ARHGAP20: variants seen among roughly 807,000 people sequenced by gnomAD.
The protein encoded by ARHGAP20 is Rho GTPase activating protein 20, also known as rho GTPase-activating protein 20.
A neutral mutation model predicts 73.7 loss-of-function variants in ARHGAP20; 34 were observed. That is an observed-to-expected ratio of 0.46 (90% CI 0.35 to 0.61). The LOEUF is 0.61. Among genes scored for constraint, ARHGAP20 ranks in the 20% least tolerant of loss-of-function variants. ARHGAP20 has a pLI of 0.00. For missense variants in ARHGAP20, 1,314 were observed against 1,420.9 expected (o/e 0.92, Z 1.21); for synonymous variants, 523 against 518.2 (o/e 1.01, Z -0.13).
At chr11:110,711,223 T>C (rs1211332829) in intron 1 of ARHGAP20, among the ~76,000 whole-genome samples, 2 of 151,934 alleles carry the variant, frequency 1.3e-5, no homozygotes, top group East Asian at 3.9e-4. Flanking sequence ...AGCGGCCGTG[T>C]TTATCGGAAT....
chr11:110,587,775 G>C (rs1193598270), intron 11 of ARHGAP20, among the ~76,000 whole-genome samples: 1 of 150,064 alleles, frequency 6.7e-6, no homozygotes, highest in Non-Finnish European at 1.5e-5. Context: ...TTTTTTTTTA[G>C]AATGTTTAAC....
In ARHGAP20 at chr11:110,653,826, C is replaced by T. The variant is rs550105532; in HGVS notation, c.189-23034G>A. Among the ~76,000 whole-genome samples, 7 of 152,198 alleles carry T rather than the reference C, an allele frequency of 4.6e-5. No homozygotes were observed. The South Asian group carries it at 1.5e-3, about 32-fold the overall frequency. On this transcript the variant is annotated intron_variant, in intron 2 of 14. Coordinates refer to ENST00000683387, the MANE Select transcript of ARHGAP20 (RefSeq NM_001384657.1). ...ACATGGAATCAACTCAAATGCCTAT[C>T]CATGATAGACTGGGTAAAGAAAATG...
chr11:110,674,623 T>C (rs1949895723), intron 2 of ARHGAP20, among the ~76,000 whole-genome samples: 2 of 152,022 alleles, frequency 1.3e-5, no homozygotes, highest in African/African-American at 4.8e-5. Flanking sequence ...ATCCCCAAGA[T>C]TTCTCATTAT....
intron 3 of ARHGAP20, among the ~76,000 whole-genome samples, chr11:110,626,332 A>C (rs1271297260): frequency 6.6e-6 from 1 of 152,226 alleles, no homozygotes; most frequent in Non-Finnish European, 1.5e-5. Context: ...CCCTAGATCA[A>C]TAAGGTGCTA....
At chr11:110,649,572 G>A (rs1949304243) in intron 2 of ARHGAP20, among the ~76,000 whole-genome samples, 1 of 152,082 alleles carries the variant, frequency 6.6e-6, no homozygotes, top group Non-Finnish European at 1.5e-5. Context: ...GAGGCGGTGA[G>A]CTGGGAAGAA....
At chr11:110,645,164 C>A (rs1949162765) in intron 2 of ARHGAP20, among the ~76,000 whole-genome samples, 1 of 152,054 alleles carries the variant, frequency 6.6e-6, no homozygotes, top group South Asian at 2.1e-4. Flanking sequence ...CATGAGCCAC[C>A]ACACCCCGCT....
At chr11:110,651,990 T>G (rs1949366446) in intron 2 of ARHGAP20, among the ~76,000 whole-genome samples, 1 of 152,186 alleles carries the variant, frequency 6.6e-6, no homozygotes, top group East Asian at 1.9e-4. Context: ...GAATCTTCAA[T>G]AAAATGCTGG....
At chr11:110,599,253 C>A (rs1163631406) in intron 9 of ARHGAP20, among the ~76,000 whole-genome samples, 1 of 152,260 alleles carries the variant, frequency 6.6e-6, no homozygotes, top group Non-Finnish European at 1.5e-5. Context: ...TGCCTGCTAC[C>A]ATTGCCTGGC....
At chr11:110,653,586 G>A (rs977883695) in intron 2 of ARHGAP20, among the ~76,000 whole-genome samples, 2 of 152,176 alleles carry the variant, frequency 1.3e-5, no homozygotes, top group African/African-American at 4.8e-5. Context: ...ATGCTGGTGA[G>A]GTTGCAGAGA....
In ARHGAP20 at chr11:110,579,590, T is replaced by C. The variant is rs1217070590; in HGVS notation, c.3356A>G (p.Glu1119Gly). 1 of 1,614,016 alleles carries C rather than the reference T, an allele frequency of 6.2e-7. No individual in the cohort carries two copies. The stretch of plus-strand genomic sequence containing the variant: ...GCTGAATGGAGAGCTACAGTGTCTC[T>C]CTGAGTCCTGGAAGGGAGAAGAACT... ...RCSSSPFQDS[E>G]RHCSSPFSLV... The change falls in exon 15 of 15, where the codon GAG (glutamate) becomes GGG (glycine). Residue 1119 changes from glutamate to glycine, a missense_variant. Physicochemically the swap from Glu to Gly is moderately conservative, Grantham distance 98 (BLOSUM62 -2). Coordinates refer to ENST00000683387, the MANE Select transcript of ARHGAP20 (RefSeq NM_001384657.1).
intron 4 of ARHGAP20, among the ~76,000 whole-genome samples, chr11:110,616,684 TTC>T (rs1948490694): frequency 1.4e-5 from 2 of 139,596 alleles, no homozygotes; most frequent in African/African-American, 5.4e-5. Flanking sequence ...CCACATTTTT[TTC>T]TTTTTTTTTT....
chr11:110,655,868 T>C (rs1190109670), intron 2 of ARHGAP20, among the ~76,000 whole-genome samples: 1 of 152,166 alleles, frequency 6.6e-6, no homozygotes, highest in African/African-American at 2.4e-5. Context: ...CTGAGTATCT[T>C]CCATGGGATG....
intron 4 of ARHGAP20, among the ~76,000 whole-genome samples, chr11:110,621,803 G>C (rs1383648187): frequency 1.3e-5 from 2 of 152,208 alleles, no homozygotes; most frequent in Non-Finnish European, 2.9e-5. Context: ...AGATATTTTA[G>C]ATTGTATTCT....
At chr11:110,630,507 T>C in intron 3 of ARHGAP20, 121 bp downstream of exon 3, 1 of 1,066,800 alleles carries the variant, frequency 9.4e-7, no homozygotes, top group Non-Finnish European at 1.4e-6. Context: ...AAAATCACTT[T>C]AGATATTACC....
rs7129762 is a variant in ARHGAP20, at chr11:110,651,193, A to C, written c.189-20401T>G. Among the ~76,000 whole-genome samples the C allele has an allele frequency of 7.4e-3, 1,120 of 152,308 alleles. 17 individuals carry two copies. Among genetic ancestry groups the C allele is most frequent in the African/African-American group, 0.026 (1,068 of 41,570 alleles). ...AAGAAGTTATTTGAAACTAATGAGAACAAAGAGACAATGTATCAGAATTTC... is the reference window on the plus strand; with the variant it reads ...AAGAAGTTATTTGAAACTAATGAGACCAAAGAGACAATGTATCAGAATTTC... On this transcript the variant is annotated intron_variant, in intron 2 of 14. Transcript: ENST00000683387.
intron 2 of ARHGAP20, among the ~76,000 whole-genome samples, chr11:110,665,023 A>G (rs975010701): frequency 2.0e-5 from 3 of 152,200 alleles, no homozygotes; most frequent in African/African-American, 7.2e-5. Context: ...ATGTTTTCCA[A>G]TTAAAATAGA....
At chr11:110,625,106 C>T (rs1020761313) in intron 3 of ARHGAP20, among the ~76,000 whole-genome samples, 2 of 148,652 alleles carry the variant, frequency 1.3e-5, no homozygotes, top group Admixed American at 6.7e-5. Context: ...GGCGCAATCT[C>T]GGCTCACTGC....
At position 110,586,231 on chromosome 11, in the gene ARHGAP20, A is replaced by T; in HGVS notation, c.1400T>A (p.Ile467Lys). ...VMDQGNDEEK[I>K]NTVQRLLDQL... ...GAATAATTACCTTTGAACAGTATTT[A>T]TTTTCTCTTCATCATTTCCTTGATC... The change falls in exon 12 of 15, where the codon ATA (isoleucine) becomes AAA (lysine). Residue 467 changes from isoleucine (I) to lysine (K), a missense_variant. Ile to Lys is a moderately radical substitution (Grantham distance 102). Coordinates refer to ENST00000683387, the MANE Select transcript of ARHGAP20 (RefSeq NM_001384657.1). The T allele has an allele frequency of 6.5e-7, 1 of 1,529,856 alleles. No homozygotes were observed. The highest frequency in any genetic ancestry group is 8.8e-7 in the Non-Finnish European group (1 of 1,134,614). 94.8% of individuals were successfully genotyped at this position (1,529,856 alleles called of 1,614,324 possible).
intron 2 of ARHGAP20, among the ~76,000 whole-genome samples, chr11:110,642,783 G>T (rs945658515): frequency 1.2e-4 from 19 of 152,186 alleles, no homozygotes; most frequent in African/African-American, 4.3e-4. Flanking sequence ...TTGATATCAA[G>T]ATAATGCTGG....
Sources: gnomAD v4.1 joint callset for allele counts (sites outside exome capture counted in the v4.1 genomes callset) on GRCh38, gnomAD v4.1.1 for gene constraint, MANE v1.5 for transcripts, NCBI Gene and HGNC (gene_info 2026-07-23, HGNC 2026-07-21) for gene names.